RABGEF1: variants seen among roughly 807,000 people sequenced by gnomAD.
The protein encoded by RABGEF1 is RAB guanine nucleotide exchange factor 1.
Under a neutral mutation model 57.3 loss-of-function variants are expected in RABGEF1, and 26 were observed. The ratio of observed to expected loss-of-function variants is 0.45; its 90% CI spans 0.33 to 0.63. RABGEF1 has a LOEUF of 0.63. Among genes scored for constraint, RABGEF1 ranks in the 20% least tolerant of loss-of-function variants. The pLI is 0.02. For missense variants in RABGEF1, 464 were observed against 607.6 expected (o/e 0.76, Z 2.48); for synonymous variants, 185 against 210.7 (o/e 0.88, Z 1.06).
chr7:66,674,064 T>G, the RABGEF1 span, among the ~76,000 whole-genome samples: 1 of 152,230 alleles, frequency 6.6e-6, no homozygotes, highest in Non-Finnish European at 1.5e-5. Flanking sequence ...CACCTAGAAC[T>G]CTTCTGCATT....
chr7:66,674,387 C>T, the RABGEF1 span, among the ~76,000 whole-genome samples: 23 of 152,052 alleles, frequency 1.5e-4, no homozygotes, highest in South Asian at 1.0e-3. Flanking sequence ...GGAGTTTCAC[C>T]GTTTTGGCTA....
At chr7:66,708,784 C>T (rs1794433435) in intron 1 of RABGEF1, among the ~76,000 whole-genome samples, 1 of 151,948 alleles carries the variant, frequency 6.6e-6, no homozygotes, top group Non-Finnish European at 1.5e-5. Flanking sequence ...TGTACTCTAG[C>T]CTGGGTGACA....
intron 1 of RABGEF1, among the ~76,000 whole-genome samples, chr7:66,759,129 AC>A (rs1803560590): frequency 6.6e-6 from 1 of 152,180 alleles, no homozygotes; most frequent in South Asian, 2.1e-4. Flanking sequence ...CTATTCCATT[AC>A]CCCAAAGACT....
At chr7:66,710,313 G>A (rs544034469) in intron 1 of RABGEF1, among the ~76,000 whole-genome samples, 26 of 152,168 alleles carry the variant, frequency 1.7e-4, no homozygotes, top group East Asian at 1.4e-3. Flanking sequence ...GTTTTTTAGC[G>A]TTTAGCTTTT....
At chr7:66,807,579 G>GAACTTACACTTGTATTGC (rs1478039549) in intron 8 of RABGEF1, among the ~76,000 whole-genome samples, 1 of 152,198 alleles carries the variant, frequency 6.6e-6, no homozygotes, top group Non-Finnish European at 1.5e-5. Flanking sequence ...CACCTGTCTT[G>GAACTTACACTTGTATTGC]ACCTTACACT....
intron 1 of RABGEF1, chr7:66,770,177 A>G (rs1418436977): frequency 6.6e-6 from 1 of 152,234 alleles, no homozygotes; most frequent in Non-Finnish European, 1.5e-5. Context: ...ATCTAGCTCA[A>G]TTCTCTGCAC....
rs1381024058 is a variant in RABGEF1 at position 66,764,517 on chromosome 7, C to T, written c.-17-7366C>T. Among the ~76,000 whole-genome samples the T allele has an allele frequency of 2.0e-5, 3 of 152,212 alleles. No homozygotes were observed. The East Asian group carries it at 5.8e-4, about 29-fold the overall frequency. On this transcript the variant is annotated intron_variant, in intron 1 of 8. Coordinates refer to ENST00000284957, the MANE Select transcript of RABGEF1 (RefSeq NM_014504.3). The stretch of plus-strand genomic sequence containing the variant: ...TCCTGCTTTTGGTGCCATATCTAAA[C>T]ATCCTTTGTCAAATCCAATATCATG...
chr7:66,707,587 C>T (rs888950515), intron 1 of RABGEF1, among the ~76,000 whole-genome samples: 1 of 152,120 alleles, frequency 6.6e-6, no homozygotes, highest in African/African-American at 2.4e-5. Flanking sequence ...ACTCGGGAGG[C>T]TGAGGCAGGA....
chr7:66,785,559 T>G (rs1038273828), intron 4 of RABGEF1, among the ~76,000 whole-genome samples: 1 of 152,188 alleles, frequency 6.6e-6, no homozygotes, highest in Middle Eastern at 3.2e-3. Context: ...CCTCTGAAGT[T>G]GTGAAGAATG....
chr7:66,766,354 A>T (rs1805706771), intron 1 of RABGEF1, among the ~76,000 whole-genome samples: 1 of 151,394 alleles, frequency 6.6e-6, no homozygotes, highest in African/African-American at 2.4e-5. Flanking sequence ...TCTGCCACTT[A>T]CTACCTTTTT....
chr7:66,748,317 A>G (rs1800700502), intron 1 of RABGEF1, among the ~76,000 whole-genome samples: 1 of 152,154 alleles, frequency 6.6e-6, no homozygotes, highest in African/African-American at 2.4e-5. Context: ...TCTGTTTTAG[A>G]TTATCTAGAT....
At chr7:66,787,271 T>C (rs1174407555) in intron 4 of RABGEF1, among the ~76,000 whole-genome samples, 1 of 150,608 alleles carries the variant, frequency 6.6e-6, no homozygotes, top group African/African-American at 2.4e-5. Context: ...TGACCTCAAG[T>C]GGTCTGCCCG....
At chr7:66,784,850 GTTA>G (rs771228125) in intron 4 of RABGEF1, among the ~76,000 whole-genome samples, 6 of 151,554 alleles carry the variant, frequency 4.0e-5, no homozygotes, top group African/African-American at 1.5e-4. Context: ...CAAGTGAGCT[GTTA>G]TTGTTTTTTT....
At chr7:66,677,933 C>T (rs1461547782), upstream of RABGEF1, among the ~76,000 whole-genome samples, 6 of 151,718 alleles carry the variant, frequency 4.0e-5, no homozygotes, top group Admixed American at 1.3e-4. Flanking sequence ...GGCGTGGTGG[C>T]GTGCACCTGT....
chr7:66,808,446 C>G (rs1788936936), intron 8 of RABGEF1, among the ~76,000 whole-genome samples: 1 of 152,152 alleles, frequency 6.6e-6, no homozygotes, highest in Non-Finnish European at 1.5e-5. Context: ...AAACTCCTGA[C>G]CTCATGATCC....
intron 7 of RABGEF1, among the ~76,000 whole-genome samples, chr7:66,801,446 T>C (rs1349377914): frequency 6.6e-6 from 1 of 152,184 alleles, no homozygotes; most frequent in African/African-American, 2.4e-5. Context: ...CTTTTGACTA[T>C]AGTTCCCCTG....
the RABGEF1 span, among the ~76,000 whole-genome samples, chr7:66,664,657 C>T: frequency 6.6e-6 from 1 of 152,130 alleles, no homozygotes; most frequent in African/African-American, 2.4e-5. Flanking sequence ...ACTGCAGCCC[C>T]CGCCTCCCCC....
At chr7:66,762,733 A>G (rs1804746985) in intron 1 of RABGEF1, among the ~76,000 whole-genome samples, 1 of 152,086 alleles carries the variant, frequency 6.6e-6, no homozygotes, top group Non-Finnish European at 1.5e-5. Flanking sequence ...CGTCCCCCAA[A>G]AGAATAATAA....
intron 1 of RABGEF1, among the ~76,000 whole-genome samples, chr7:66,768,659 A>G (rs1232510242): frequency 1.3e-5 from 2 of 152,128 alleles, no homozygotes; most frequent in Non-Finnish European, 2.9e-5. Flanking sequence ...TGAGACCTGC[A>G]TAGTGGTCTC....
Sources: allele counts gnomAD v4.1 joint callset (sites outside exome capture counted in the v4.1 genomes callset), GRCh38; gene constraint gnomAD v4.1.1; transcripts MANE v1.5; gene names NCBI Gene and HGNC (gene_info 2026-07-23, HGNC 2026-07-21).